Variants in MRC1 observed in about 807,000 individuals in gnomAD.
MRC1 encodes mannose receptor C-type 1.
Under a neutral mutation model 102.9 loss-of-function variants are expected in MRC1, and 62 were observed. That is an observed-to-expected ratio of 0.60 (90% CI 0.49 to 0.74). The LOEUF is 0.74. Ranked by LOEUF, MRC1 falls within the 30% of genes least tolerant of loss-of-function variation. The probability of loss-of-function intolerance (pLI) is 0.00; values close to 1 mark genes in which losing one functional copy is unlikely to be tolerated. For missense variants in MRC1, 1,237 were observed against 862.8 expected, an observed-to-expected ratio of 1.43 and a Z score of -5.43; for synonymous variants, 457 against 298.4, an observed-to-expected ratio of 1.53 and a Z score of -5.48.
At chr10:17,816,199 G>C (rs575431803) in intron 1 of MRC1, among the ~76,000 whole-genome samples, 2,225 of 152,238 alleles carry the variant, frequency 0.015, 48 homozygotes, top group African/African-American at 0.051. Context: ...CTGAATTTGG[G>C]GTCTTTGGGG....
chr10:17,879,802 G>T lies in MRC1; in HGVS notation c.2700G>T (p.Val900=). ...TTGCAAATGAAGATGAAAACTGTGT[G>T]ACCATGTATTCAAATTCAGGTAGGC... ...PNFANEDENC[V]TMYSNSGFWN... Residue 900 remains valine (V), a synonymous_variant, in exon 19 of 30, where the codon GTG becomes GTT. Coordinates refer to ENST00000569591, the MANE Select transcript of MRC1 (RefSeq NM_002438.4). 1.3e-6 allele frequency: 1 copy of T among 780,880 alleles called. No homozygotes were observed. The highest frequency in any genetic ancestry group is 2.4e-6 in the Non-Finnish European group (1 of 417,966). The allele number at this position is 780,880 out of a possible 1,614,324, so 48.4% of individuals were successfully genotyped here.
intron 12 of MRC1, among the ~76,000 whole-genome samples, chr10:17,868,988 T>C (rs1260364029): frequency 6.6e-6 from 1 of 152,218 alleles, no homozygotes; most frequent in Non-Finnish European, 1.5e-5. Flanking sequence ...ATTCCTAGCC[T>C]TCGCCTGAGG....
chr10:17,812,863 A>C (rs1310188830), intron 1 of MRC1, among the ~76,000 whole-genome samples: 1 of 151,948 alleles, frequency 6.6e-6, no homozygotes, highest in Non-Finnish European at 1.5e-5. Flanking sequence ...GAGCCACCAC[A>C]CCTGGCCAAC....
At chr10:17,889,946 G>C (rs1421082085) in intron 22 of MRC1, among the ~76,000 whole-genome samples, 1 of 151,956 alleles carries the variant, frequency 6.6e-6, no homozygotes, top group Non-Finnish European at 1.5e-5. Flanking sequence ...ATAGACCTGA[G>C]TTTCTGACAT....
chr10:17,852,897 CG>C (rs1838938049), intron 7 of MRC1, 69 bp from the exon 8 acceptor site: 1 of 779,854 alleles, frequency 1.3e-6, no homozygotes, highest in Non-Finnish European at 2.4e-6. Context: ...GAGTGCCTTC[CG>C]TTCCTTTTAC....
chr10:17,864,564 C>T (rs1174795348), intron 11 of MRC1, among the ~76,000 whole-genome samples: 2 of 151,998 alleles, frequency 1.3e-5, no homozygotes, highest in African/African-American at 2.4e-5. Context: ...CGCGGTGGCT[C>T]ATGCCTGTAA....
At chr10:17,882,972 G>A (rs1420493676) in intron 21 of MRC1, among the ~76,000 whole-genome samples, 2 of 152,166 alleles carry the variant, frequency 1.3e-5, no homozygotes, top group African/African-American at 4.8e-5. Context: ...TGGCAAAACA[G>A]GCACACGTAG....
chr10:17,838,938 G>C (rs1379527894), intron 4 of MRC1, among the ~76,000 whole-genome samples: 2 of 152,156 alleles, frequency 1.3e-5, no homozygotes, highest in African/African-American at 4.8e-5. Flanking sequence ...AATTACAAAA[G>C]CATATTAGAG....
intron 4 of MRC1, among the ~76,000 whole-genome samples, chr10:17,838,812 A>G (rs1252885508): frequency 6.6e-6 from 1 of 152,150 alleles, no homozygotes; most frequent in Non-Finnish European, 1.5e-5. Context: ...CAACTGTACA[A>G]AAAAAATTTC....
chr10:17,887,793 T>C (rs1049587067), intron 22 of MRC1, among the ~76,000 whole-genome samples: 1 of 152,116 alleles, frequency 6.6e-6, no homozygotes, highest in Non-Finnish European at 1.5e-5. Context: ...AAAATACACA[T>C]AATGCTTTTT....
chr10:17,900,387 A>G (rs1833813189), intron 24 of MRC1, among the ~76,000 whole-genome samples: 1 of 152,128 alleles, frequency 6.6e-6, no homozygotes, highest in Non-Finnish European at 1.5e-5. Context: ...TCAGGTGTCC[A>G]TGAATTTAAT....
intron 1 of MRC1, among the ~76,000 whole-genome samples, chr10:17,822,020 C>T (rs1221833008): frequency 6.6e-6 from 1 of 152,002 alleles, no homozygotes; most frequent in African/African-American, 2.4e-5. Context: ...GAAAGCTTTA[C>T]ATGAACTCAA....
chr10:17,858,739 GC>G (rs1368813612), intron 9 of MRC1, among the ~76,000 whole-genome samples: 1 of 152,130 alleles, frequency 6.6e-6, no homozygotes, highest in Admixed American at 6.5e-5. Context: ...ATCCGCCTTG[GC>G]CTCCCAAAGT....
At chr10:17,820,145 G>T (rs1044262982) in intron 1 of MRC1, among the ~76,000 whole-genome samples, 3 of 152,032 alleles carry the variant, frequency 2.0e-5, no homozygotes, top group East Asian at 1.9e-4. Flanking sequence ...ATCTTTAAAA[G>T]AATTCCTTTG....
chr10:17,856,415 A>G, intron 9 of MRC1, 63 bp downstream of exon 9: 2 of 804,714 alleles, frequency 2.5e-6, no homozygotes, highest in Non-Finnish European at 4.3e-6. Context: ...CGTTGGCTTT[A>G]TTTTTATGTG....
In MRC1 at chr10:17,898,037, C is replaced by A. The variant is rs1452198012; in HGVS notation, c.3254C>A (p.Pro1085His). The change falls in exon 24 of 30, where the codon CCT becomes CAT. Residue 1085 changes from proline (P) to histidine (H), a missense_variant. Pro to His is a moderately conservative substitution (Grantham distance 77). Coordinates refer to ENST00000569591, the MANE Select transcript of MRC1 (RefSeq NM_002438.4). ...TGAAAATAATGTTTTTATCTAGACC[C>A]TTCCTTGACTAATCCTCCAGCAACG... ...RGYICQTRSD[P>H]SLTNPPATIQ... 1 of 780,668 alleles carries A rather than the reference C, an allele frequency of 1.3e-6. No individual in the cohort carries two copies. Among genetic ancestry groups the A allele is most frequent in the African/African-American group, 1.7e-5 (1 of 59,106 alleles). 48.4% of individuals were successfully genotyped at this position (780,668 alleles called of 1,614,324 possible).
chr10:17,814,955 C>G (rs930489222), intron 1 of MRC1, among the ~76,000 whole-genome samples: 8 of 152,086 alleles, frequency 5.3e-5, no homozygotes, highest in African/African-American at 1.7e-4. Flanking sequence ...CGGGAGCCAC[C>G]GTGCCTGGCC....
chr10:17,848,882 T>A (rs1350535578), intron 6 of MRC1, among the ~76,000 whole-genome samples: 1 of 152,120 alleles, frequency 6.6e-6, no homozygotes, highest in East Asian at 1.9e-4. Flanking sequence ...TGGCGGAGGC[T>A]CCTTGGAGAC....
At chr10:17,848,188 G>A (rs950740989) in intron 6 of MRC1, among the ~76,000 whole-genome samples, 1 of 152,160 alleles carries the variant, frequency 6.6e-6, no homozygotes, top group East Asian at 1.9e-4. Flanking sequence ...TACTAAGACA[G>A]CCATTTGAAA....
Sources: gnomAD v4.1 joint callset for allele counts (sites outside exome capture counted in the v4.1 genomes callset) on GRCh38, gnomAD v4.1.1 for gene constraint, MANE v1.5 for transcripts, NCBI Gene and HGNC (gene_info 2026-07-23, HGNC 2026-07-21) for gene names.